TBX10: variants seen among roughly 807,000 people sequenced by gnomAD.
The protein encoded by TBX10 is T-box transcription factor TBX10.
TBX10 carries 26 observed loss-of-function variants against 32.4 expected under a neutral mutation model. That is an observed-to-expected ratio of 0.80 (90% CI 0.59 to 1.11). The LOEUF (loss-of-function observed/expected upper bound fraction) is 1.11, where lower values mean the gene tolerates loss of function less well. Among genes scored for constraint, TBX10 ranks in the 50% most tolerant of loss-of-function variants. The pLI, the probability that TBX10 is intolerant of heterozygous loss-of-function variation, is 0.00. For missense variants in TBX10, 490 were observed against 494.5 expected (o/e 0.99, Z 0.09); for synonymous variants, 195 against 203.1 (o/e 0.96, Z 0.34).
Position 67,632,328 on chromosome 11 carries a change from G to A in TBX10, c.858C>T (p.Asp286=), listed in dbSNP as rs200673151. ...GGCCTGGGGCCTTACCTTTCTCCCT[G>A]TCTGTGGCACCCTTCAGCACACAGG... ...LSPCVLKGAT[D]REKDPNKASA... The change falls in exon 7 of 8, where the codon GAC becomes GAT. Residue 286 remains aspartate, a synonymous_variant. Transcript: ENST00000335385. The A allele has an allele frequency of 1.5e-4, 237 of 1,613,366 alleles. No individual in the cohort carries two copies. The East Asian group carries it at 4.6e-3, about 31-fold the overall frequency.
intron 1 of TBX10, among the ~76,000 whole-genome samples, chr11:67,636,219 C>G (rs1198813501): frequency 6.7e-6 from 1 of 149,700 alleles, no homozygotes; most frequent in African/African-American, 2.5e-5. Flanking sequence ...GTAGCTGGGA[C>G]TATAGGTGCA....
At chr11:67,637,915 T>A (rs1238546842) in intron 1 of TBX10, among the ~76,000 whole-genome samples, 1 of 152,166 alleles carries the variant, frequency 6.6e-6, no homozygotes, top group Non-Finnish European at 1.5e-5. Flanking sequence ...TATTTAAAAA[T>A]GGTTAAGGTG....
At position 67,635,223 on chromosome 11, in the gene TBX10, C is replaced by G. The variant is rs1271474503; in HGVS notation, c.48G>C (p.Glu16Asp). The change falls in exon 2 of 8, where the codon GAG becomes GAC. Residue 16 changes from glutamate to aspartate, a missense_variant. Coordinates refer to ENST00000335385, the MANE Select transcript of TBX10 (RefSeq NM_005995.5). The part of the protein sequence containing the change: ...SAGLGILAPS[E>D]TYPLPTTSSG... ...AGCTGGTTGTAGGTAGGGGGTAGGT[C>G]TCTGAGGGTGCAAGTATGCCGAGGC... 5 of 1,613,624 alleles carry G rather than the reference C, an allele frequency of 3.1e-6. No homozygotes were observed. Among genetic ancestry groups the G allele is most frequent in the Non-Finnish European group, 4.2e-6 (5 of 1,180,034 alleles).
rs951057214 is a variant in TBX10, at chr11:67,632,805, G to A, written c.706-135C>T. On this transcript the variant is annotated intron_variant, in intron 5 of 7. Coordinates refer to ENST00000335385, the MANE Select transcript of TBX10 (RefSeq NM_005995.5). Reference sequence around the variant, plus strand: ...GGAACTCTGAGCTGATAGGAGTGCGGGCAGGGCCTTGACTGATGGCAGATA... The same window carrying A: ...GGAACTCTGAGCTGATAGGAGTGCGAGCAGGGCCTTGACTGATGGCAGATA... 3.2e-6 allele frequency: 5 copies of A among 1,544,720 alleles called. No individual in the cohort carries two copies. In the African/African-American group the frequency reaches 6.8e-5, roughly 21 times the overall value.
In TBX10 at chr11:67,634,208, A is replaced by G; in HGVS notation, c.530T>C (p.Leu177Pro). ...CCTCACGTGGCCATTGTCATCCAGC[A>G]GGTTGTTGGTCAGCTTGAGCTTGTC... ...SFDKLKLTNN[L>P]LDDNGHIILN... Residue 177 changes from leucine to proline, a missense_variant, in exon 4 of 8, where the codon CTG becomes CCG. Leu to Pro is a moderately conservative substitution (Grantham distance 98). Transcript: ENST00000335385. The G allele has an allele frequency of 6.2e-7, 1 of 1,613,140 alleles. No individual in the cohort carries two copies. Among genetic ancestry groups the G allele is most frequent in the Non-Finnish European group, 8.5e-7 (1 of 1,179,948 alleles).
rs1855378878 is a variant in TBX10, at chr11:67,639,664, C to T, written c.-192G>A. 6 of 728,390 alleles carry T rather than the reference C, an allele frequency of 8.2e-6. No individual in the cohort carries two copies. The highest frequency in any genetic ancestry group is 4.9e-5 in the South Asian group (3 of 61,018). The allele number at this position is 728,390 out of a possible 1,614,324, so 45.1% of individuals were successfully genotyped here. ...TCGCCCTTCGTCCACGTCCTGAGGTCGTGGTCTTCCTACTCGAGCTGGACC... is the reference window on the plus strand; with the variant it reads ...TCGCCCTTCGTCCACGTCCTGAGGTTGTGGTCTTCCTACTCGAGCTGGACC... On this transcript the variant is annotated 5_prime_UTR_variant, in exon 1 of 8. Coordinates refer to ENST00000335385, the MANE Select transcript of TBX10 (RefSeq NM_005995.5).
At chr11:67,640,786 G>A (rs1011645325), upstream of TBX10, among the ~76,000 whole-genome samples, 1 of 152,196 alleles carries the variant, frequency 6.6e-6, no homozygotes, top group Non-Finnish European at 1.5e-5. Context: ...GGAGGGGCTG[G>A]GGGGCGGCAG....
chr11:67,639,402 G>GCGCCGC, intron 1 of TBX10, 64 bp downstream of exon 1: 1 of 288,592 alleles, frequency 3.5e-6, no homozygotes, highest in Non-Finnish European at 7.0e-6. Context: ...TTCCCACCCT[G>GCGCCGC]CCCACCCACC....
chr11:67,634,295 A>T lies in TBX10; in HGVS notation c.443T>A (p.Val148Glu), dbSNP rs1855287937. The change falls in exon 4 of 8, where the codon GTG (valine) becomes GAG (glutamate). Residue 148 changes from valine (V) to glutamate (E), a missense_variant. Physicochemically the swap from Val to Glu is moderately radical, Grantham distance 121 (BLOSUM62 -2). Transcript: ENST00000335385. ...GKADPATPGR[V>E]HFHPDSPAKG... Reference sequence around the variant, plus strand: ...GGCTGGCGAGTCGGGGTGGAAGTGCACGCGGCCAGGTGTGGCTGGGTCTGC... The same window carrying T: ...GGCTGGCGAGTCGGGGTGGAAGTGCTCGCGGCCAGGTGTGGCTGGGTCTGC... 6.2e-7 allele frequency: 1 copy of T among 1,611,326 alleles called. No individual in the cohort carries two copies. The highest frequency in any genetic ancestry group is 1.3e-5 in the African/African-American group (1 of 74,934).
At chr11:67,632,851 C>T (rs1388855260) in intron 5 of TBX10, 97 bp downstream of exon 5, 17 of 1,597,714 alleles carry the variant, frequency 1.1e-5, no homozygotes, top group Non-Finnish European at 1.4e-5. Context: ...GTTGGGAGGG[C>T]AGTAGTCTGT....
intron 1 of TBX10, among the ~76,000 whole-genome samples, 199 bp from the exon 2 acceptor site, chr11:67,635,462 G>T (rs941729001): frequency 2.6e-5 from 4 of 152,230 alleles, no homozygotes; most frequent in Admixed American, 6.5e-5. Flanking sequence ...CTCCTTGACG[G>T]TAGTGTCAGG....
chr11:67,634,020 C>A (rs1048415860), intron 4 of TBX10, among the ~76,000 whole-genome samples, 169 bp downstream of exon 4: 3 of 151,900 alleles, frequency 2.0e-5, no homozygotes, highest in African/African-American at 7.3e-5. Flanking sequence ...CCTGGACAGC[C>A]CTTCCTGCTG....
chr11:67,641,158 A>T (rs1397272371), upstream of TBX10, among the ~76,000 whole-genome samples: 3 of 151,970 alleles, frequency 2.0e-5, no homozygotes, highest in African/African-American at 7.3e-5. Flanking sequence ...TGGGGGATCC[A>T]TTCCAGTACT....
intron 3 of TBX10, 84 bp downstream of exon 3, chr11:67,634,732 G>C: frequency 7.0e-7 from 1 of 1,425,742 alleles, no homozygotes; most frequent in South Asian, 1.2e-5. Flanking sequence ...ACAGGCCCCT[G>C]CCTCACCTTG....
chr11:67,634,443 C>T (rs544794599), intron 3 of TBX10, 83 bp from the exon 4 acceptor site: 23 of 1,523,456 alleles, frequency 1.5e-5, no homozygotes, highest in African/African-American at 2.7e-5. Flanking sequence ...GGGCTGCTGC[C>T]GACTCCAACA....
intron 1 of TBX10, 72 bp from the exon 2 acceptor site, chr11:67,635,335 T>G (rs1855312417): frequency 1.2e-6 from 2 of 1,600,952 alleles, no homozygotes; most frequent in East Asian, 4.5e-5. Flanking sequence ...GCTGCACCTA[T>G]ATGCCTCTTC....
Position 67,632,388 on chromosome 11 carries a change from G to A in TBX10, c.798C>T (p.Leu266=). 6.2e-7 allele frequency: 1 copy of A among 1,613,012 alleles called. No individual in the cohort carries two copies. The highest frequency in any genetic ancestry group is 8.5e-7 in the Non-Finnish European group (1 of 1,180,008). The change falls in exon 7 of 8, where the codon CTC becomes CTT. Residue 266 remains leucine, a synonymous_variant. Coordinates refer to ENST00000335385, the MANE Select transcript of TBX10 (RefSeq NM_005995.5). ...DSWPVAPRPL[L]SVPARSHSSL... Reference sequence around the variant, plus strand: ...TGCTGTGACTCCGGGCTGGGACACTGAGCAGGGGCCGTGGGGCCACAGGCC... The same window carrying A: ...TGCTGTGACTCCGGGCTGGGACACTAAGCAGGGGCCGTGGGGCCACAGGCC...
At chr11:67,636,391 TTG>T (rs1855328741) in intron 1 of TBX10, among the ~76,000 whole-genome samples, 1 of 151,242 alleles carries the variant, frequency 6.6e-6, no homozygotes, top group African/African-American at 2.4e-5. Flanking sequence ...CCTCAAGAAA[TTG>T]GAACTCTTGT....
At position 67,639,613 on chromosome 11, in the gene TBX10, C is replaced by T. The variant is rs1010615354; in HGVS notation, c.-141G>A. ...GGTGCTCACACAAGCTGTAGTCTCT[C>T]GGCAGGACGGTCCTTGCCTCCTCGA... On this transcript the variant is annotated 5_prime_UTR_variant, in exon 1 of 8. Transcript: ENST00000335385. 23 of 1,126,702 alleles carry T rather than the reference C, an allele frequency of 2.0e-5. No individual in the cohort carries two copies. The highest frequency in any genetic ancestry group is 2.6e-5 in the Non-Finnish European group (20 of 759,822). The allele number at this position is 1,126,702 out of a possible 1,614,324, so 69.8% of individuals were successfully genotyped here. A position where few individuals can be genotyped will look rare whatever the true frequency, so the allele number is the denominator to read the frequency against.
Sources: gnomAD v4.1 joint callset for allele counts (sites outside exome capture counted in the v4.1 genomes callset) on GRCh38, gnomAD v4.1.1 for gene constraint, MANE v1.5 for transcripts, NCBI Gene and HGNC (gene_info 2026-07-23, HGNC 2026-07-21) for gene names.